The following GAS2 variants were observed in gnomAD, a reference collection of about 807,000 sequenced individuals.
The protein encoded by GAS2 is growth arrest-specific protein 2.
In GAS2, 20 loss-of-function variants were observed where a neutral mutation model predicts 37.5. The observed-to-expected ratio is 0.53, with a 90% CI of 0.37 to 0.77. The LOEUF (loss-of-function observed/expected upper bound fraction) is 0.77, where lower values mean the gene tolerates loss of function less well. Ranked by LOEUF, GAS2 falls within the 30% of genes least tolerant of loss-of-function variation. The probability of loss-of-function intolerance (pLI) is 0.00; values close to 1 mark genes in which losing one functional copy is unlikely to be tolerated. For synonymous variants in GAS2, 144 were observed against 132.2 expected (o/e 1.09, Z -0.61); for missense variants, 336 against 373.4 (o/e 0.90, Z 0.82).
intron 4 of GAS2, among the ~76,000 whole-genome samples, chr11:22,727,939 T>C (rs1590719303): frequency 1.3e-5 from 2 of 152,120 alleles, no homozygotes; most frequent in South Asian, 2.1e-4. Flanking sequence ...GTTAAGATCG[T>C]GTAAAAATAT....
chr11:22,706,286 T>C (rs1253434382), intron 3 of GAS2, among the ~76,000 whole-genome samples: 8 of 151,916 alleles, frequency 5.3e-5, no homozygotes, highest in Admixed American at 5.3e-4. Context: ...AATGACCACT[T>C]ATCCTAGGGT....
chr11:22,662,663 A>T (rs1848927724), upstream of GAS2, among the ~76,000 whole-genome samples: 1 of 152,160 alleles, frequency 6.6e-6, no homozygotes, highest in South Asian at 2.1e-4. Context: ...AAAACTTAAA[A>T]AAAAAACACC....
intron 3 of GAS2, among the ~76,000 whole-genome samples, chr11:22,692,777 G>A (rs911779548): frequency 2.0e-5 from 3 of 152,018 alleles, no homozygotes; most frequent in East Asian, 1.9e-4. Flanking sequence ...AAGTAGTGCT[G>A]GGCACAATAA....
intron 1 of GAS2, among the ~76,000 whole-genome samples, chr11:22,628,870 G>T (rs1047712770): frequency 5.9e-5 from 9 of 152,166 alleles, no homozygotes; most frequent in Non-Finnish European, 1.3e-4. Flanking sequence ...CCACTTCCAA[G>T]TGAGAACATG....
chr11:22,663,945 AG>A (rs759811342), upstream of GAS2, among the ~76,000 whole-genome samples: 15 of 152,218 alleles, frequency 9.9e-5, no homozygotes, highest in Non-Finnish European at 1.9e-4. Flanking sequence ...GACCTCACTG[AG>A]GAAGTATGTC....
chr11:22,672,642 T>C (rs1849250431), intron 1 of GAS2: 1 of 152,174 alleles, frequency 6.6e-6, no homozygotes, highest in African/African-American at 2.4e-5. Context: ...TGGAAGAGAT[T>C]GTGTCTTGAG....
chr11:22,663,461 G>A (rs976890570), upstream of GAS2, among the ~76,000 whole-genome samples: 2 of 151,588 alleles, frequency 1.3e-5, no homozygotes, highest in Admixed American at 1.3e-4. Context: ...AAGACAAATG[G>A]CATATTTCAC....
chr11:22,668,653 T>C (rs112594405), intron 1 of GAS2, among the ~76,000 whole-genome samples: 270 of 152,316 alleles, frequency 1.8e-3, no homozygotes, highest in South Asian at 3.5e-3. Context: ...TCGAGTATGG[T>C]GAAATACCTG....
chr11:22,782,427 A>G (rs1855595880), intron 7 of GAS2, among the ~76,000 whole-genome samples: 1 of 152,114 alleles, frequency 6.6e-6, no homozygotes. Context: ...CTTTTATTTT[A>G]GAATCAGAGA....
intron 1 of GAS2, among the ~76,000 whole-genome samples, chr11:22,654,353 T>C (rs1848831708): frequency 6.6e-6 from 1 of 151,988 alleles, no homozygotes; most frequent in Non-Finnish European, 1.5e-5. Context: ...CCTTCCTTCC[T>C]TTCCTCCCTC....
At position 22,699,812 on chromosome 11, in the gene GAS2, G is replaced by A. The variant is rs74327419; in HGVS notation, c.267+14023G>A. Reference sequence around the variant, plus strand: ...ACATATGGGTGCTCATTAACATTTAGCTGTTAACTTTATTGTATCATTCCT... The same window carrying A: ...ACATATGGGTGCTCATTAACATTTAACTGTTAACTTTATTGTATCATTCCT... On this transcript the variant is annotated intron_variant, in intron 3 of 7. Coordinates refer to ENST00000454584, the MANE Select transcript of GAS2 (RefSeq NM_001143830.3). Among the ~76,000 whole-genome samples, 322 of 152,254 alleles carry A rather than the reference G, an allele frequency of 2.1e-3. 8 individuals carry two copies. The East Asian group carries it at 0.051, about 24-fold the overall frequency.
At chr11:22,689,912 A>T (rs2133964718) in intron 3 of GAS2, among the ~76,000 whole-genome samples, 1 of 152,338 alleles carries the variant, frequency 6.6e-6, no homozygotes, top group South Asian at 2.1e-4. Context: ...GCGAAAATGG[A>T]TGAATTAGTC....
chr11:22,798,221 T>C (rs1856516530), intron 7 of GAS2, among the ~76,000 whole-genome samples: 1 of 152,038 alleles, frequency 6.6e-6, no homozygotes, highest in Non-Finnish European at 1.5e-5. Flanking sequence ...TCATTATCAG[T>C]GGCAGCAGCA....
intron 7 of GAS2, among the ~76,000 whole-genome samples, chr11:22,777,106 T>C (rs1485271152): frequency 6.6e-6 from 1 of 152,170 alleles, no homozygotes; most frequent in Non-Finnish European, 1.5e-5. Flanking sequence ...AGGAGAGGCG[T>C]ACTTGTGAAT....
At chr11:22,687,167 A>T (rs998141408) in intron 3 of GAS2, among the ~76,000 whole-genome samples, 1 of 152,046 alleles carries the variant, frequency 6.6e-6, no homozygotes, top group Non-Finnish European at 1.5e-5. Context: ...TGTAAGAAAA[A>T]CACAAAAAAG....
At chr11:22,635,247 T>A (rs1358392996) in intron 1 of GAS2, among the ~76,000 whole-genome samples, 1 of 152,120 alleles carries the variant, frequency 6.6e-6, no homozygotes. Flanking sequence ...ATCAATCAAG[T>A]CCCACACTAT....
rs539311909 is a variant in GAS2 at position 22,799,818 on chromosome 11, T to C, written c.724-11980T>C. ...GTTTAACATGCATTTATTCATTTAA[T>C]ATTCATCTAATAAACATTGTGTGCC... On this transcript the variant is annotated intron_variant, in intron 7 of 7. Coordinates refer to ENST00000454584, the MANE Select transcript of GAS2 (RefSeq NM_001143830.3). Among the ~76,000 whole-genome samples the C allele has an allele frequency of 5.3e-5, 8 of 152,262 alleles. No homozygotes were observed. In the East Asian group the frequency reaches 1.5e-3, roughly 29 times the overall value.
chr11:22,782,856 A>T (rs1590125583), intron 7 of GAS2, among the ~76,000 whole-genome samples: 1 of 145,898 alleles, frequency 6.9e-6, no homozygotes, highest in Non-Finnish European at 1.5e-5. Context: ...ACTGATGGCC[A>T]CCTAGGTTGA....
chr11:22,744,848 A>T (rs1382542598), intron 5 of GAS2, among the ~76,000 whole-genome samples: 1 of 152,112 alleles, frequency 6.6e-6, no homozygotes, highest in African/African-American at 2.4e-5. Flanking sequence ...GCATCCAAAT[A>T]GGAAAAGAAG....
Sources: allele counts gnomAD v4.1 joint callset (sites outside exome capture counted in the v4.1 genomes callset), GRCh38; gene constraint gnomAD v4.1.1; transcripts MANE v1.5; gene names NCBI Gene and HGNC (gene_info 2026-07-23, HGNC 2026-07-21).